Variants in RPS6KC1 observed in about 807,000 individuals in gnomAD.
The protein encoded by RPS6KC1 is ribosomal protein S6 kinase C1.
In RPS6KC1, 54 loss-of-function variants were observed where a neutral mutation model predicts 103.8. The ratio of observed to expected loss-of-function variants is 0.52; its 90% CI spans 0.42 to 0.65. The LOEUF is 0.65. RPS6KC1 is among the 30% of genes least tolerant of loss of function. The pLI is 0.00. For missense variants in RPS6KC1, 1,151 were observed against 1,253.8 expected, an observed-to-expected ratio of 0.92 and a Z score of 1.24; for synonymous variants, 439 against 438.7, an observed-to-expected ratio of 1.00 and a Z score of -0.01.
At chr1:213,337,923 G>T in the RPS6KC1 span, among the ~76,000 whole-genome samples, 3 of 152,120 alleles carry the variant, frequency 2.0e-5, no homozygotes, top group Non-Finnish European at 4.4e-5. Context: ...CAATTTCTGT[G>T]AAGACAGTGA....
intron 8 of RPS6KC1, among the ~76,000 whole-genome samples, chr1:213,179,095 A>G (rs1327440703): frequency 6.6e-6 from 1 of 152,196 alleles, no homozygotes; most frequent in East Asian, 1.9e-4. Flanking sequence ...AGTCTTTAAA[A>G]TTTATAACAT....
the RPS6KC1 span, among the ~76,000 whole-genome samples, chr1:213,614,598 A>G: frequency 6.6e-6 from 1 of 152,130 alleles, no homozygotes; most frequent in African/African-American, 2.4e-5. Flanking sequence ...CCAATTCCCA[A>G]ACTCCTGGAG....
chr1:213,450,452 G>T, the RPS6KC1 span, among the ~76,000 whole-genome samples: 1 of 151,948 alleles, frequency 6.6e-6, no homozygotes, highest in Admixed American at 6.6e-5. Context: ...AATCCAAGTG[G>T]AATGCTCTTA....
chr1:213,426,320 CCTT>C, the RPS6KC1 span, among the ~76,000 whole-genome samples: 1 of 152,084 alleles, frequency 6.6e-6, no homozygotes, highest in African/African-American at 2.4e-5. Context: ...TTGTGGAAGG[CCTT>C]CTTTTCTCCT....
At chr1:213,470,914 G>C in the RPS6KC1 span, among the ~76,000 whole-genome samples, 93,959 of 151,992 alleles carry the variant, frequency 0.62, 29,444 homozygotes, top group East Asian at 0.86. Flanking sequence ...CCTGAGCCAC[G>C]ATGCCTGGCC....
intron 6 of RPS6KC1, among the ~76,000 whole-genome samples, chr1:213,155,045 G>A (rs978454883): frequency 7.9e-5 from 12 of 152,188 alleles, no homozygotes; most frequent in Admixed American, 6.5e-4. Context: ...GTATAGAAAT[G>A]TCTGGGAACT....
the RPS6KC1 span, among the ~76,000 whole-genome samples, chr1:213,785,868 G>C: frequency 1.3e-5 from 2 of 152,144 alleles, no homozygotes; most frequent in Non-Finnish European, 2.9e-5. Flanking sequence ...TCATCCCACT[G>C]TGTGCCATAC....
the RPS6KC1 span, among the ~76,000 whole-genome samples, chr1:213,847,463 A>T: frequency 1.3e-5 from 2 of 152,230 alleles, no homozygotes; most frequent in Admixed American, 6.5e-5. Flanking sequence ...TGATCAGGGC[A>T]TAAGTAACTC....
chr1:213,092,892 G>A (rs752744873), intron 3 of RPS6KC1, among the ~76,000 whole-genome samples: 15 of 152,064 alleles, frequency 9.9e-5, no homozygotes, highest in Non-Finnish European at 1.9e-4. Context: ...CTGTACTGTG[G>A]AATTTAACAC....
At chr1:213,540,473 A>G in the RPS6KC1 span, among the ~76,000 whole-genome samples, 2 of 152,102 alleles carry the variant, frequency 1.3e-5, no homozygotes, top group African/African-American at 4.8e-5. Flanking sequence ...CCTCCCGAGT[A>G]GCTGGGACCA....
chr1:213,131,747 T>C (rs1400999387), intron 6 of RPS6KC1, among the ~76,000 whole-genome samples: 1 of 152,212 alleles, frequency 6.6e-6, no homozygotes, highest in Admixed American at 6.5e-5. Context: ...CCAGGCCATC[T>C]GTTGGGTTTT....
chr1:213,129,787 G>T lies in RPS6KC1; in HGVS notation c.733G>T (p.Glu245Ter). 6.2e-7 allele frequency: 1 copy of T among 1,614,010 alleles called. No homozygotes were observed. The highest frequency in any genetic ancestry group is 8.5e-7 in the Non-Finnish European group (1 of 1,179,966). ...GAGAGATTATTTGGAGAAAGCAGGA[G>T]AATTAATAAAGCTGGCTTTAAAAAA... Reference protein sequence around the residue: ...GKRDYLEKAGELIKLALKKEE... With the variant: ...GKRDYLEKAG The change falls in exon 6 of 15, where the codon GAA (glutamate) becomes TAA (stop). Residue 245 changes from glutamate to a stop codon, truncating the protein, a stop_gained. Coordinates refer to ENST00000366960, the MANE Select transcript of RPS6KC1 (RefSeq NM_012424.6). LOFTEE classifies it high-confidence loss of function.
the RPS6KC1 span, among the ~76,000 whole-genome samples, chr1:213,370,632 G>A: frequency 2.0e-4 from 31 of 152,200 alleles, no homozygotes; most frequent in African/African-American, 7.0e-4. Context: ...TGAGAGGGCC[G>A]AGGAAACAAG....
intron 5 of RPS6KC1, among the ~76,000 whole-genome samples, chr1:213,118,994 A>C (rs2084032003): frequency 6.6e-6 from 1 of 151,974 alleles, no homozygotes; most frequent in African/African-American, 2.4e-5. Flanking sequence ...TTGGGATCCC[A>C]ATGTGATTCT....
the RPS6KC1 span, among the ~76,000 whole-genome samples, chr1:213,830,672 T>TAA: frequency 6.3e-4 from 80 of 127,692 alleles, no homozygotes; most frequent in East Asian, 4.5e-3. Flanking sequence ...TCACATTCTT[T>TAA]AAAAAAAAAA....
chr1:213,797,243 A>G, the RPS6KC1 span, among the ~76,000 whole-genome samples: 6 of 152,360 alleles, frequency 3.9e-5, no homozygotes, highest in African/African-American at 1.2e-4. Flanking sequence ...ACTCTCTTAT[A>G]ATTTGAAGTA....
chr1:213,270,366 T>C (rs936041711), intron 14 of RPS6KC1, among the ~76,000 whole-genome samples: 3 of 152,220 alleles, frequency 2.0e-5, no homozygotes, highest in African/African-American at 7.2e-5. Flanking sequence ...TGATGTTGAG[T>C]TAGGCAAAGA....
At chr1:213,855,300 G>C in the RPS6KC1 span, among the ~76,000 whole-genome samples, 1 of 152,160 alleles carries the variant, frequency 6.6e-6, no homozygotes, top group South Asian at 2.1e-4. Context: ...TATGAAAAAC[G>C]CTTATCAAGT....
At chr1:213,514,250 T>G in the RPS6KC1 span, among the ~76,000 whole-genome samples, 2 of 152,216 alleles carry the variant, frequency 1.3e-5, no homozygotes, top group African/African-American at 4.8e-5. Context: ...TTTATTATAC[T>G]TTAAGTTTTA....
Sources: gnomAD v4.1 joint callset for allele counts (sites outside exome capture counted in the v4.1 genomes callset) on GRCh38, gnomAD v4.1.1 for gene constraint, MANE v1.5 for transcripts, NCBI Gene and HGNC (gene_info 2026-07-23, HGNC 2026-07-21) for gene names.